Variants in FANK1 observed in about 807,000 individuals in gnomAD.
FANK1 encodes fibronectin type 3 and ankyrin repeat domains protein 1.
A neutral mutation model predicts 45.3 loss-of-function variants in FANK1; 44 were observed. The observed-to-expected ratio is 0.97, with a 90% CI of 0.76 to 1.25. The LOEUF (loss-of-function observed/expected upper bound fraction) is 1.25, where lower values mean the gene tolerates loss of function less well. Ranked by LOEUF, FANK1 falls within the 50% of genes most tolerant of loss-of-function variation. The probability of loss-of-function intolerance (pLI) is 0.00; values close to 1 mark genes in which losing one functional copy is unlikely to be tolerated. For synonymous variants in FANK1, 149 were observed against 152.5 expected, an observed-to-expected ratio of 0.98 and a Z score of 0.17; for missense variants, 391 against 424.4, an observed-to-expected ratio of 0.92 and a Z score of 0.69.
rs369000649 is a variant in FANK1, at chr10:125,988,690, C to T, written c.316+15C>T. The T allele has an allele frequency of 9.3e-5, 150 of 1,614,114 alleles. No homozygotes were observed. The East Asian group carries it at 1.5e-3, about 17-fold the overall frequency. On this transcript the variant is annotated intron_variant, in intron 3 of 10. Coordinates refer to ENST00000368693, the MANE Select transcript of FANK1 (RefSeq NM_145235.5). ...GTCTACAACCAGTGAGTATTCAGAC[C>T]GTCCACACTCACCTCTCTCTAGATC...
intron 1 of FANK1, among the ~76,000 whole-genome samples, chr10:125,958,482 C>A (rs982157755): frequency 6.6e-6 from 1 of 152,120 alleles, no homozygotes; most frequent in African/African-American, 2.4e-5. Context: ...AAGTGATTGG[C>A]CAGCCTTGGC....
intron 1 of FANK1, chr10:125,960,366 AC>A: frequency 4.9e-6 from 1 of 205,548 alleles, no homozygotes; most frequent in Non-Finnish European, 1.0e-5. Flanking sequence ...GAGCTGCTCC[AC>A]CAGGCGCTGC....
At chr10:125,966,073 A>G (rs970746094) in intron 1 of FANK1, among the ~76,000 whole-genome samples, 4 of 152,158 alleles carry the variant, frequency 2.6e-5, no homozygotes, top group African/African-American at 9.7e-5. Flanking sequence ...AAAAGGAAGC[A>G]ATGTTTCCCC....
At chr10:125,946,015 CA>C (rs1199572860) in intron 1 of FANK1, among the ~76,000 whole-genome samples, 4 of 152,158 alleles carry the variant, frequency 2.6e-5, no homozygotes, top group Non-Finnish European at 4.4e-5. Flanking sequence ...CCTCACACGG[CA>C]GGGTATTCCA....
intron 2 of FANK1, chr10:125,980,754 G>GA (rs1951154290): frequency 6.3e-6 from 1 of 159,782 alleles, no homozygotes; most frequent in African/African-American, 2.4e-5. Flanking sequence ...TACCACGCTG[G>GA]CTGCCTCTCA....
intron 4 of FANK1, 115 bp downstream of exon 4, chr10:125,995,613 C>A: frequency 1.1e-6 from 1 of 883,198 alleles, no homozygotes; most frequent in Non-Finnish European, 1.9e-6. Context: ...AAACTGCCTC[C>A]AAAATGGATC....
At chr10:125,921,153 A>T (rs1357336671) in intron 1 of FANK1, among the ~76,000 whole-genome samples, 1 of 152,158 alleles carries the variant, frequency 6.6e-6, no homozygotes, top group African/African-American at 2.4e-5. Flanking sequence ...CCCATGTATT[A>T]TGTTTGTTTT....
chr10:125,989,281 G>A, intron 3 of FANK1: 1 of 1,549,708 alleles, frequency 6.5e-7, no homozygotes, highest in East Asian at 2.4e-5. Flanking sequence ...TATGTCCAGG[G>A]CCATCTCTGA....
intron 1 of FANK1, among the ~76,000 whole-genome samples, chr10:125,955,303 C>T (rs563842121): frequency 6.6e-6 from 1 of 152,140 alleles, no homozygotes; most frequent in Admixed American, 6.5e-5. Context: ...TGGTCCCCCC[C>T]ATGTGACCAT....
intron 1 of FANK1, among the ~76,000 whole-genome samples, chr10:125,946,091 A>G (rs1230357746): frequency 6.6e-6 from 1 of 152,182 alleles, no homozygotes; most frequent in African/African-American, 2.4e-5. Context: ...GGACATCCAC[A>G]TCGAAAACCC....
intron 4 of FANK1, 28 bp downstream of exon 4, chr10:125,995,526 T>C (rs761224815): frequency 6.2e-6 from 10 of 1,600,630 alleles, no homozygotes; most frequent in Non-Finnish European, 6.9e-6. Flanking sequence ...GTTGTTTTTT[T>C]TCCCCCATGC....
chr10:125,993,952 T>G (rs565021114), intron 3 of FANK1, among the ~76,000 whole-genome samples: 341 of 152,336 alleles, frequency 2.2e-3, no homozygotes, highest in African/African-American at 7.5e-3. Flanking sequence ...CTCACTGTTT[T>G]CCCAGTTTGT....
At chr10:125,908,059 C>T (rs1020163512) in intron 1 of FANK1, among the ~76,000 whole-genome samples, 38 of 146,496 alleles carry the variant, frequency 2.6e-4, no homozygotes, top group African/African-American at 3.6e-4. Context: ...TGCAGTGGTG[C>T]GCTCTCGGCT....
Position 125,991,250 on chromosome 10 carries a change from G to GGTGTGTGTGTGTGTGTGTGTGT in FANK1, c.316+2582_316+2603dup, listed in dbSNP as rs113257579. On this transcript the variant is annotated intron_variant, in intron 3 of 10. Coordinates refer to ENST00000368693, the MANE Select transcript of FANK1 (RefSeq NM_145235.5). Reference sequence around the variant, plus strand: ...GGATGAGTGTGTGGTGGTGACCAGGGGTGTGTGTGTGTGTGTGTGTGTGTG... The same window carrying GGTGTGTGTGTGTGTGTGTGTGT: ...GGATGAGTGTGTGGTGGTGACCAGGGGTGTGTGTGTGTGTGTGTGTGTGTGTGTGTGTGTGTGTGTGTGTGTG... 1.7e-3 allele frequency among the ~76,000 whole-genome samples: 246 copies of GGTGTGTGTGTGTGTGTGTGTGT among 145,984 alleles called. 1 individual carries two copies. The highest frequency in any genetic ancestry group is 6.8e-3 in the South Asian group (31 of 4,586).
rs374324101 is a variant in FANK1, at chr10:125,971,770, C to T, written c.14-8391C>T. ...CTGAGTAGCTGGGACTACAGGTGCC[C>T]GCTACCACGGCCGGCTAATTTTTTT... On this transcript the variant is annotated intron_variant, in intron 1 of 10. Coordinates refer to ENST00000368693, the MANE Select transcript of FANK1 (RefSeq NM_145235.5). Among the ~76,000 whole-genome samples, 55 of 152,086 alleles carry T rather than the reference C, an allele frequency of 3.6e-4. No individual in the cohort carries two copies. In the South Asian group the frequency reaches 9.0e-3, roughly 25 times the overall value.
At chr10:125,963,895 TAAA>T (rs560830907) in intron 1 of FANK1, among the ~76,000 whole-genome samples, 2 of 150,660 alleles carry the variant, frequency 1.3e-5, no homozygotes, top group Admixed American at 6.6e-5. Context: ...AGTATAATAA[TAAA>T]AAAAAACATT....
At chr10:125,981,498 A>C (rs1210848564) in intron 2 of FANK1, among the ~76,000 whole-genome samples, 2 of 64,140 alleles carry the variant, frequency 3.1e-5, no homozygotes, top group African/African-American at 8.0e-5. Context: ...CCCTGTCTCA[A>C]AAAAAAAAAA....
intron 3 of FANK1, chr10:125,989,494 C>A: frequency 1.1e-6 from 1 of 876,420 alleles, no homozygotes; most frequent in Non-Finnish European, 1.9e-6. Context: ...GGCATTTCTT[C>A]ATTACAAGTT....
chr10:126,005,875 T>C (rs1219088502), intron 7 of FANK1, among the ~76,000 whole-genome samples: 2 of 152,232 alleles, frequency 1.3e-5, no homozygotes, highest in Non-Finnish European at 2.9e-5. Flanking sequence ...TTTGCATCTT[T>C]ACCTGGAAAC....
Sources: gnomAD v4.1 joint callset for allele counts (sites outside exome capture counted in the v4.1 genomes callset) on GRCh38, gnomAD v4.1.1 for gene constraint, MANE v1.5 for transcripts, NCBI Gene and HGNC (gene_info 2026-07-23, HGNC 2026-07-21) for gene names.